XYLT1: variants seen among roughly 807,000 people sequenced by gnomAD.
XYLT1 encodes xylosyltransferase 1.
A neutral mutation model predicts 91.3 loss-of-function variants in XYLT1; 36 were observed. That is an observed-to-expected ratio of 0.39 (90% CI 0.30 to 0.52). The LOEUF (loss-of-function observed/expected upper bound fraction) is 0.52. XYLT1 is among the 20% of genes least tolerant of loss of function. The probability of loss-of-function intolerance (pLI) is 0.68; values close to 1 mark genes in which losing one functional copy is unlikely to be tolerated. For missense variants in XYLT1, 1,242 were observed against 1,284.5 expected (o/e 0.97, Z 0.51); for synonymous variants, 588 against 532.0 (o/e 1.11, Z -1.45).
chr16:17,316,399 A>T (rs9302528), intron 2 of XYLT1, among the ~76,000 whole-genome samples: 91,021 of 151,680 alleles, frequency 0.6, 27,788 homozygotes, highest in Admixed American at 0.7. Context: ...CTTTTTATTT[A>T]TTTATTTATT....
intron 2 of XYLT1, among the ~76,000 whole-genome samples, chr16:17,263,965 T>G (rs2033763657): frequency 6.6e-6 from 1 of 152,106 alleles, no homozygotes; most frequent in African/African-American, 2.4e-5. Flanking sequence ...CACATCAACC[T>G]CCAAAAGTGC....
intron 5 of XYLT1, among the ~76,000 whole-genome samples, chr16:17,172,127 CT>C (rs1486940839): frequency 6.6e-6 from 1 of 152,196 alleles, no homozygotes; most frequent in Non-Finnish European, 1.5e-5. Flanking sequence ...ACAGTAAATA[CT>C]TAGTAAGTAT....
chr16:17,244,812 C>T (rs1411511541), intron 3 of XYLT1, among the ~76,000 whole-genome samples: 1 of 152,176 alleles, frequency 6.6e-6, no homozygotes, highest in Non-Finnish European at 1.5e-5. Context: ...TATCCATACC[C>T]AGAGTTATAT....
At chr16:17,347,119 C>A (rs745884124) in intron 2 of XYLT1, among the ~76,000 whole-genome samples, 112 of 152,186 alleles carry the variant, frequency 7.4e-4, no homozygotes, top group Non-Finnish European at 1.5e-3. Flanking sequence ...GAGGTACAAA[C>A]CAGAGGTGGC....
chr16:17,180,371 A>G (rs2032040655), intron 5 of XYLT1, among the ~76,000 whole-genome samples: 4 of 152,212 alleles, frequency 2.6e-5, no homozygotes, highest in Admixed American at 2.6e-4. Flanking sequence ...AATTTTAAAC[A>G]AAGATTGACT....
At chr16:17,400,625 A>AAGGG (rs1256667300) in intron 1 of XYLT1, among the ~76,000 whole-genome samples, 7 of 108,888 alleles carry the variant, frequency 6.4e-5, no homozygotes, top group Admixed American at 1.8e-4. Flanking sequence ...GGGAGGGAGG[A>AAGGG]AGGGAGGAAG....
At chr16:17,206,916 C>T (rs2141595260) in intron 3 of XYLT1, among the ~76,000 whole-genome samples, 1 of 152,212 alleles carries the variant, frequency 6.6e-6, no homozygotes, top group South Asian at 2.1e-4. Context: ...TTGGAAAAAC[C>T]CAAATGAGGG....
rs139452641 is a variant in XYLT1 at position 17,395,335 on chromosome 16, C to T, written c.364-37285G>A. 6.8e-3 allele frequency among the ~76,000 whole-genome samples: 1,032 copies of T among 152,136 alleles called. 6 individuals carry two copies. The highest frequency in any genetic ancestry group is 0.01 in the Non-Finnish European group (682 of 67,996). On this transcript the variant is annotated intron_variant, in intron 1 of 11. Transcript: ENST00000261381. ...ACACAGAGCCAAATCATATCAACCC[C>T]CACCCACACCAATCTCTTAAATATT...
chr16:17,382,101 AC>A (rs1306400470), intron 1 of XYLT1, among the ~76,000 whole-genome samples: 1 of 151,802 alleles, frequency 6.6e-6, no homozygotes, highest in African/African-American at 2.4e-5. Flanking sequence ...GTCATTGGAC[AC>A]CCACTATGTG....
intron 3 of XYLT1, among the ~76,000 whole-genome samples, chr16:17,247,057 T>C (rs928775362): frequency 2.0e-4 from 30 of 152,196 alleles, no homozygotes; most frequent in African/African-American, 6.8e-4. Flanking sequence ...CCAAGTAATT[T>C]GAGAGAGGAG....
At chr16:17,208,794 G>A (rs768457446) in intron 3 of XYLT1, among the ~76,000 whole-genome samples, 7 of 152,048 alleles carry the variant, frequency 4.6e-5, no homozygotes, top group South Asian at 2.1e-4. Context: ...GCACAATCTC[G>A]GCTCACTGCA....
chr16:17,303,002 A>G (rs893711977), intron 2 of XYLT1, among the ~76,000 whole-genome samples: 5 of 150,966 alleles, frequency 3.3e-5, no homozygotes, highest in Admixed American at 3.3e-4. Flanking sequence ...CAGTATGGGT[A>G]GGGAAGGGGA....
At chr16:17,145,112 G>T (rs1364892696) in intron 6 of XYLT1, among the ~76,000 whole-genome samples, 2 of 152,200 alleles carry the variant, frequency 1.3e-5, no homozygotes, top group African/African-American at 4.8e-5. Context: ...TATAAAGGCA[G>T]TCATACAATA....
chr16:17,364,697 T>C (rs1298312402), intron 1 of XYLT1, among the ~76,000 whole-genome samples: 1 of 152,208 alleles, frequency 6.6e-6, no homozygotes, highest in Non-Finnish European at 1.5e-5. Context: ...GGAGGTATCA[T>C]GATCCCCATT....
chr16:17,450,319 CA>C (rs1173981709), intron 1 of XYLT1, among the ~76,000 whole-genome samples: 3 of 151,382 alleles, frequency 2.0e-5, no homozygotes, highest in East Asian at 3.9e-4. Context: ...ATCTGGGCAA[CA>C]GAGCGAGACT....
At chr16:17,191,374 A>G (rs1296040344) in intron 5 of XYLT1, among the ~76,000 whole-genome samples, 1 of 152,180 alleles carries the variant, frequency 6.6e-6, no homozygotes, top group Non-Finnish European at 1.5e-5. Flanking sequence ...GGATGCTTGG[A>G]CTTCCATACT....
chr16:17,266,954 C>T (rs1191591506), intron 2 of XYLT1, among the ~76,000 whole-genome samples: 3 of 152,248 alleles, frequency 2.0e-5, no homozygotes, highest in Non-Finnish European at 4.4e-5. Flanking sequence ...AGAGGCCCCT[C>T]GTCCAGCTCA....
At chr16:17,135,842 T>C (rs1361183387) in intron 8 of XYLT1, among the ~76,000 whole-genome samples, 1 of 152,258 alleles carries the variant, frequency 6.6e-6, no homozygotes, top group Admixed American at 6.5e-5. Flanking sequence ...TTTTATAGCA[T>C]AAAAGCAGCC....
chr16:17,217,381 C>T (rs898453641), intron 3 of XYLT1, among the ~76,000 whole-genome samples: 15 of 152,080 alleles, frequency 9.9e-5, no homozygotes, highest in African/African-American at 3.4e-4. Context: ...AAAAAAAAAC[C>T]CAGATATTAG....
Sources: allele counts gnomAD v4.1 joint callset (sites outside exome capture counted in the v4.1 genomes callset), GRCh38; gene constraint gnomAD v4.1.1; transcripts MANE v1.5; gene names NCBI Gene and HGNC (gene_info 2026-07-23, HGNC 2026-07-21).